The following EYS variants were observed in gnomAD, a reference collection of about 807,000 sequenced individuals.
EYS encodes EGF-like photoreceptor maintenance factor, also known as protein eyes shut homolog.
Under a neutral mutation model 282.1 loss-of-function variants are expected in EYS, and 250 were observed. The observed-to-expected ratio is 0.89, with a 90% CI of 0.80 to 0.98. The LOEUF (loss-of-function observed/expected upper bound fraction) is 0.98. EYS is among the 50% of genes least tolerant of loss of function. The probability of loss-of-function intolerance (pLI) is 0.00; values close to 1 mark genes in which losing one functional copy is unlikely to be tolerated. For synonymous variants in EYS, 1,355 were observed against 1,282.9 expected (o/e 1.06, Z -1.20); for missense variants, 4,016 against 3,709.0 (o/e 1.08, Z -2.15).
At chr6:64,344,455 A>G (rs1307550933) in intron 29 of EYS, among the ~76,000 whole-genome samples, 1 of 152,024 alleles carries the variant, frequency 6.6e-6, no homozygotes. Context: ...AAAGACAAAA[A>G]CCACATGATT....
chr6:64,563,701 T>G (rs1765474818), intron 26 of EYS, among the ~76,000 whole-genome samples: 1 of 152,076 alleles, frequency 6.6e-6, no homozygotes, highest in African/African-American at 2.4e-5. Context: ...AAAAAAGACA[T>G]AGTCTCTTTT....
At chr6:65,570,137 A>T (rs1009393555) in intron 2 of EYS, among the ~76,000 whole-genome samples, 6 of 152,110 alleles carry the variant, frequency 3.9e-5, no homozygotes, top group South Asian at 2.1e-4. Flanking sequence ...TAAAATAAAA[A>T]AAAGTTATTT....
intron 15 of EYS, among the ~76,000 whole-genome samples, chr6:64,913,904 A>G (rs1768081669): frequency 6.6e-6 from 1 of 152,132 alleles, no homozygotes; most frequent in South Asian, 2.1e-4. Context: ...GGGAAAGCAA[A>G]CAAATAAAAA....
chr6:64,900,612 C>T (rs1241873732), intron 18 of EYS, among the ~76,000 whole-genome samples: 1 of 151,920 alleles, frequency 6.6e-6, no homozygotes, highest in Non-Finnish European at 1.5e-5. Flanking sequence ...TTTATGCAGG[C>T]AACAAATATA....
intron 12 of EYS, among the ~76,000 whole-genome samples, chr6:65,066,016 T>C (rs12190005): frequency 0.32 from 49,256 of 152,024 alleles, 8,180 homozygotes; most frequent in African/African-American, 0.36. Context: ...TCAAACATCT[T>C]GGTTTAATTA....
intron 22 of EYS, among the ~76,000 whole-genome samples, chr6:64,711,917 C>T (rs1771227100): frequency 6.6e-6 from 1 of 152,094 alleles, no homozygotes; most frequent in South Asian, 2.1e-4. Context: ...GCAAAGACAC[C>T]ACTCAAAGTT....
chr6:64,956,495 A>G (rs1402678570), intron 14 of EYS, among the ~76,000 whole-genome samples: 2 of 152,200 alleles, frequency 1.3e-5, no homozygotes, highest in Non-Finnish European at 2.9e-5. Flanking sequence ...CTACCACAGA[A>G]AACTGGGGAA....
At chr6:64,883,634 T>A (rs1766994115) in intron 19 of EYS, among the ~76,000 whole-genome samples, 1 of 151,516 alleles carries the variant, frequency 6.6e-6, no homozygotes, top group Middle Eastern at 3.2e-3. Context: ...TTTATATTCA[T>A]CTTTCCTATA....
chr6:65,347,427 A>T (rs1337924468), intron 9 of EYS, among the ~76,000 whole-genome samples: 1 of 151,600 alleles, frequency 6.6e-6, no homozygotes, highest in East Asian at 1.9e-4. Context: ...ATGTTTGTGC[A>T]GTGTTTCTTT....
At chr6:64,352,051 C>A (rs1435331871) in intron 29 of EYS, among the ~76,000 whole-genome samples, 2 of 151,460 alleles carry the variant, frequency 1.3e-5, no homozygotes, top group African/African-American at 4.8e-5. Context: ...CTGAATACCT[C>A]CTATATTAAT....
intron 22 of EYS, among the ~76,000 whole-genome samples, chr6:64,630,339 C>T (rs1013408727): frequency 6.6e-6 from 1 of 152,138 alleles, no homozygotes; most frequent in Non-Finnish European, 1.5e-5. Context: ...CCTCGTGATC[C>T]ACCTGCCTCG....
intron 29 of EYS, among the ~76,000 whole-genome samples, chr6:64,342,615 C>CAAA (rs1771169131): frequency 6.6e-6 from 1 of 152,026 alleles, no homozygotes; most frequent in Admixed American, 6.6e-5. Flanking sequence ...AGAAACATGC[C>CAAA]AAATTGTAAA....
intron 11 of EYS, among the ~76,000 whole-genome samples, chr6:65,322,468 G>A (rs570247740): frequency 3.3e-5 from 5 of 152,218 alleles, no homozygotes; most frequent in African/African-American, 9.6e-5. Flanking sequence ...TGGTTATGCA[G>A]CAGGAATATA....
intron 1 of EYS, among the ~76,000 whole-genome samples, chr6:65,687,977 G>T (rs930521779): frequency 2.0e-5 from 3 of 152,152 alleles, no homozygotes; most frequent in Non-Finnish European, 2.9e-5. Flanking sequence ...TGAGTAGGAA[G>T]AATCAATATC....
At chr6:65,164,135 G>A (rs1433251429) in intron 12 of EYS, among the ~76,000 whole-genome samples, 1 of 151,326 alleles carries the variant, frequency 6.6e-6, no homozygotes, top group Non-Finnish European at 1.5e-5. Context: ...AAGATTCTCA[G>A]GGGAAAAAGT....
intron 12 of EYS, among the ~76,000 whole-genome samples, chr6:65,106,335 A>AT (rs930808378): frequency 1.3e-5 from 2 of 151,958 alleles, no homozygotes; most frequent in Admixed American, 1.3e-4. Flanking sequence ...AACTGAGGCT[A>AT]TTTTAATTTC....
In EYS at chr6:65,170,666, A is replaced by T. The variant is rs1041676218; in HGVS notation, c.2024-112939T>A. Reference sequence around the variant, plus strand: ...AAGTAGCTTATTTCATCTTATTTAAATATTATTAAAATACTTGAAACCTGA... The same window carrying T: ...AAGTAGCTTATTTCATCTTATTTAATTATTATTAAAATACTTGAAACCTGA... On this transcript the variant is annotated intron_variant, in intron 12 of 42. Transcript: ENST00000503581. Among the ~76,000 whole-genome samples, 6 of 151,600 alleles carry T rather than the reference A, an allele frequency of 4.0e-5. No homozygotes were observed. In the South Asian group the frequency reaches 1.2e-3, roughly 31 times the overall value.
intron 31 of EYS, among the ~76,000 whole-genome samples, chr6:64,178,152 G>A (rs1380046693): frequency 6.6e-6 from 1 of 151,974 alleles, no homozygotes; most frequent in African/African-American, 2.4e-5. Context: ...GAGTTATTCT[G>A]GTGTGAATGT....
intron 31 of EYS, among the ~76,000 whole-genome samples, chr6:64,228,577 T>G (rs777571119): frequency 5.9e-5 from 9 of 152,176 alleles, no homozygotes; most frequent in Non-Finnish European, 1.0e-4. Context: ...ACTTAATGGT[T>G]AGCAAAACAT....
Sources: allele counts gnomAD v4.1 joint callset (sites outside exome capture counted in the v4.1 genomes callset), GRCh38; gene constraint gnomAD v4.1.1; transcripts MANE v1.5; gene names NCBI Gene and HGNC (gene_info 2026-07-23, HGNC 2026-07-21).